Variants in ARHGEF4 observed in about 807,000 individuals in gnomAD.
The protein encoded by ARHGEF4 is APC-stimulated guanine nucleotide exchange factor 1.
A neutral mutation model predicts 162.0 loss-of-function variants in ARHGEF4; 119 were observed. The ratio of observed to expected loss-of-function variants is 0.73; its 90% confidence interval spans 0.63 to 0.86. The LOEUF (loss-of-function observed/expected upper bound fraction) is 0.86, where lower values mean the gene tolerates loss of function less well. ARHGEF4 is among the 40% of genes least tolerant of loss of function. The probability of loss-of-function intolerance (pLI) is 0.00; values close to 1 mark genes in which losing one functional copy is unlikely to be tolerated. For synonymous variants in ARHGEF4, 1,014 were observed against 979.9 expected (o/e 1.03, Z -0.65); for missense variants, 2,488 against 2,456.0 (o/e 1.01, Z -0.28).
intron 1 of ARHGEF4, among the ~76,000 whole-genome samples, chr2:130,888,929 C>T (rs138018277): frequency 0.027 from 4,053 of 151,644 alleles, 190 homozygotes; most frequent in African/African-American, 0.092. Context: ...GGTGAAACCC[C>T]GTCTCTACTA....
intron 4 of ARHGEF4, among the ~76,000 whole-genome samples, chr2:130,966,715 G>A (rs530148285): frequency 6.6e-6 from 1 of 152,308 alleles, no homozygotes; most frequent in East Asian, 1.9e-4. Flanking sequence ...TCACACACTC[G>A]CTGATGTTAC....
intron 4 of ARHGEF4, among the ~76,000 whole-genome samples, chr2:130,956,227 C>T (rs909779431): frequency 6.6e-6 from 1 of 152,146 alleles, no homozygotes; most frequent in Admixed American, 6.5e-5. Flanking sequence ...AAATGCTCAT[C>T]ATCACTGGCC....
At chr2:131,039,319 C>G in intron 6 of ARHGEF4, 1 of 1,227,428 alleles carries the variant, frequency 8.1e-7, no homozygotes, top group Non-Finnish European at 1.0e-6. Flanking sequence ...AGGCGCTAGA[C>G]ATTTCCCAAG....
chr2:131,040,235 G>A (rs1390027363), intron 7 of ARHGEF4, 26 bp from the exon 8 acceptor site: 4 of 1,610,538 alleles, frequency 2.5e-6, no homozygotes, highest in Non-Finnish European at 1.7e-6. Context: ...CCCGGTCGGG[G>A]GAGGCCTAAC....
intron 4 of ARHGEF4, among the ~76,000 whole-genome samples, chr2:131,008,958 G>T: frequency 6.6e-6 from 1 of 152,156 alleles, no homozygotes; most frequent in South Asian, 2.1e-4. Context: ...TTAAAATAGT[G>T]TGTTGTACAT....
chr2:130,924,280 C>T (rs1224539700), intron 2 of ARHGEF4, among the ~76,000 whole-genome samples: 1 of 53,028 alleles, frequency 1.9e-5, no homozygotes, highest in Non-Finnish European at 5.3e-5. Context: ...TGGCATAGTT[C>T]CTTTTTTTTT....
At chr2:130,901,705 G>A (rs1680500074) in intron 1 of ARHGEF4, among the ~76,000 whole-genome samples, 1 of 152,108 alleles carries the variant, frequency 6.6e-6, no homozygotes, top group Non-Finnish European at 1.5e-5. Flanking sequence ...ATTTTTAGTA[G>A]AGATGGGGTT....
chr2:130,964,232 T>G, intron 4 of ARHGEF4: 1 of 985,508 alleles, frequency 1.0e-6, no homozygotes, highest in Non-Finnish European at 1.2e-6. Context: ...CTGGAGAGCC[T>G]GCGCTCGGCC....
At chr2:131,037,629 T>A (rs1230460581) in intron 5 of ARHGEF4, among the ~76,000 whole-genome samples, 1 of 152,176 alleles carries the variant, frequency 6.6e-6, no homozygotes. Context: ...CCTCCTCTCC[T>A]GCCCTAAGGC....
At chr2:131,030,187 C>A (rs1305154584) in intron 5 of ARHGEF4, among the ~76,000 whole-genome samples, 13 of 152,204 alleles carry the variant, frequency 8.5e-5, no homozygotes, top group Admixed American at 4.6e-4. Flanking sequence ...AGTTGTGTGT[C>A]TCCTACCTGA....
Position 131,046,329 on chromosome 2 carries a change from A to G in ARHGEF4, c.*140A>G. On this transcript the variant is annotated 3_prime_UTR_variant, in exon 14 of 14. Coordinates refer to ENST00000409359, the MANE Select transcript of ARHGEF4 (RefSeq NM_001367493.1). ...CTGGGGAGTTGCTTGTGCCACCAAG[A>G]CGTGCCAGGTCTGTACTCCTGTTGT... The G allele has an allele frequency of 1.2e-6, 1 of 868,872 alleles. No individual in the cohort carries two copies. The highest frequency in any genetic ancestry group is 1.7e-5 in the South Asian group (1 of 58,226). The allele number at this position is 868,872 out of a possible 1,614,324, so 53.8% of individuals were successfully genotyped here.
Position 131,027,931 on chromosome 2 carries a change from G to A in ARHGEF4, c.3986-14G>A. ...GCCCAGCCCCCTTTGCCCAGCTGCT[G>A]TCTCTCCTTCCAGCCATGCCTGATG... On this transcript the variant is annotated splice_polypyrimidine_tract_variant and intron_variant, in intron 4 of 13. Coordinates refer to ENST00000409359, the MANE Select transcript of ARHGEF4 (RefSeq NM_001367493.1). 4.3e-6 allele frequency: 7 copies of A among 1,613,410 alleles called. No individual in the cohort carries two copies. Among genetic ancestry groups the A allele is most frequent in the South Asian group, 1.1e-5 (1 of 91,036 alleles).
At chr2:130,991,376 C>T (rs1292273104) in intron 4 of ARHGEF4, among the ~76,000 whole-genome samples, 4 of 152,240 alleles carry the variant, frequency 2.6e-5, no homozygotes, top group South Asian at 2.1e-4. Context: ...CCCACCACTG[C>T]GGTGTGGGAG....
intron 4 of ARHGEF4, among the ~76,000 whole-genome samples, chr2:130,972,579 T>C (rs1685436825): frequency 1.3e-5 from 2 of 152,230 alleles, no homozygotes; most frequent in Admixed American, 1.3e-4. Flanking sequence ...ATCAGAAGCC[T>C]GCACCCAAGA....
chr2:130,896,969 T>C (rs917896827), intron 1 of ARHGEF4, among the ~76,000 whole-genome samples: 5 of 152,082 alleles, frequency 3.3e-5, no homozygotes, highest in Admixed American at 1.3e-4. Context: ...ACTAAGTTAT[T>C]GTTAGTCTGC....
Position 130,916,836 on chromosome 2 carries a change from C to T in ARHGEF4, c.2890C>T (p.Pro964Ser), listed in dbSNP as rs1053181304. ...TCTGAAAAGCAAAGATGCCGGAAGC[C>T]CCAAAAAGCCCACCCTAGTGAGTCT... ...AFLKSKDAGS[P>S]KKPTLVSLPL... The change falls in exon 2 of 14, where the codon CCC becomes TCC. Residue 964 changes from proline to serine, a missense_variant. Around this residue, in one of 6 missense-constraint regions of ARHGEF4, gnomAD observed 1,642 missense variants for 1,481.5 expected, o/e 1.11. Transcript: ENST00000409359. The T allele has an allele frequency of 6.5e-7, 1 of 1,550,256 alleles. No homozygotes were observed. Among genetic ancestry groups the T allele is most frequent in the African/African-American group, 1.4e-5 (1 of 72,996 alleles).
At chr2:130,942,066 T>G (rs1683334981) in intron 3 of ARHGEF4, among the ~76,000 whole-genome samples, 1 of 152,098 alleles carries the variant, frequency 6.6e-6, no homozygotes, top group South Asian at 2.1e-4. Context: ...TCCTGATAAT[T>G]TAATAGAAAA....
At chr2:131,003,259 C>G (rs1389181692) in intron 4 of ARHGEF4, among the ~76,000 whole-genome samples, 1 of 152,200 alleles carries the variant, frequency 6.6e-6, no homozygotes, top group Admixed American at 6.5e-5. Flanking sequence ...AGACACACCC[C>G]CTCTGCACCT....
At chr2:131,006,962 C>T (rs1013529220) in intron 4 of ARHGEF4, among the ~76,000 whole-genome samples, 1 of 152,154 alleles carries the variant, frequency 6.6e-6, no homozygotes. Context: ...AAATTGGTCA[C>T]CCTGTGGCTT....
Sources: gnomAD v4.1 joint callset for allele counts (sites outside exome capture counted in the v4.1 genomes callset) on GRCh38, gnomAD v4.1.1 for gene constraint, gnomAD v4.1.1 regional missense constraint, MANE v1.5 for transcripts, NCBI Gene and HGNC (gene_info 2026-07-23, HGNC 2026-07-21) for gene names.